HPSE2: variants seen among roughly 807,000 people sequenced by gnomAD.
The protein encoded by HPSE2 is inactive heparanase-2.
HPSE2 carries 38 observed loss-of-function variants against 60.5 expected under a neutral mutation model. The ratio of observed to expected loss-of-function variants is 0.63; its 90% confidence interval spans 0.48 to 0.82. HPSE2 has a LOEUF of 0.82. HPSE2 is among the 40% of genes least tolerant of loss of function. The pLI is 0.00. For synonymous variants in HPSE2, 295 were observed against 293.2 expected, an observed-to-expected ratio of 1.01 and a Z score of -0.06; for missense variants, 713 against 740.4, an observed-to-expected ratio of 0.96 and a Z score of 0.43.
At chr10:98,524,992 C>A (rs1942917169) in intron 9 of HPSE2, among the ~76,000 whole-genome samples, 1 of 152,188 alleles carries the variant, frequency 6.6e-6, no homozygotes, top group African/African-American at 2.4e-5. Context: ...CAAAGCTTTA[C>A]ATTTTGGGAC....
chr10:98,753,919 T>C (rs1389484547), intron 3 of HPSE2, among the ~76,000 whole-genome samples: 1 of 152,138 alleles, frequency 6.6e-6, no homozygotes, highest in Non-Finnish European at 1.5e-5. Context: ...AGAACCAGAA[T>C]AGGAACTCTG....
intron 3 of HPSE2, among the ~76,000 whole-genome samples, chr10:99,110,772 T>C (rs1003089774): frequency 6.6e-6 from 1 of 152,168 alleles, no homozygotes; most frequent in African/African-American, 2.4e-5. Flanking sequence ...TGTCAAATTA[T>C]TCTCCTGCCT....
intron 3 of HPSE2, among the ~76,000 whole-genome samples, chr10:99,032,321 A>G (rs906793610): frequency 2.0e-5 from 3 of 152,158 alleles, no homozygotes; most frequent in Non-Finnish European, 4.4e-5. Flanking sequence ...AAAGAAAAAA[A>G]ATCGTCAAAT....
At chr10:98,632,652 C>T (rs757936360) in intron 7 of HPSE2, among the ~76,000 whole-genome samples, 26 of 152,064 alleles carry the variant, frequency 1.7e-4, no homozygotes, top group Non-Finnish European at 3.5e-4. Context: ...GCTAATTTAC[C>T]GAGAAGTTCA....
intron 9 of HPSE2, among the ~76,000 whole-genome samples, chr10:98,542,925 C>T (rs1163144887): frequency 6.6e-6 from 1 of 152,038 alleles, no homozygotes; most frequent in Non-Finnish European, 1.5e-5. Context: ...TCCAGGAGAA[C>T]TTCCCCAATC....
At chr10:99,273,895 G>A in the HPSE2 span, among the ~76,000 whole-genome samples, 40 of 152,304 alleles carry the variant, frequency 2.6e-4, no homozygotes, top group African/African-American at 9.1e-4. Context: ...CAGTGAGAAT[G>A]TGTGCACTAT....
chr10:98,796,370 T>C (rs745341567), intron 3 of HPSE2, among the ~76,000 whole-genome samples: 1 of 152,142 alleles, frequency 6.6e-6, no homozygotes, highest in Non-Finnish European at 1.5e-5. Context: ...TAAGTGAACA[T>C]CAGCAGTGGC....
intron 3 of HPSE2, among the ~76,000 whole-genome samples, chr10:98,904,966 C>T (rs1953768378): frequency 6.6e-6 from 1 of 152,120 alleles, no homozygotes; most frequent in Admixed American, 6.6e-5. Flanking sequence ...ACATTTCTAT[C>T]TTAATGACAT....
intron 3 of HPSE2, among the ~76,000 whole-genome samples, chr10:99,078,673 T>C (rs1843028202): frequency 6.6e-6 from 1 of 152,182 alleles, no homozygotes; most frequent in South Asian, 2.1e-4. Context: ...CAACACTGTA[T>C]CTCCAATTCA....
chr10:98,798,948 T>G (rs926344135), intron 3 of HPSE2, among the ~76,000 whole-genome samples: 1 of 152,088 alleles, frequency 6.6e-6, no homozygotes, highest in African/African-American at 2.4e-5. Flanking sequence ...AATGATAACA[T>G]TGAATGGAAA....
rs190553778 is a variant in HPSE2 at position 99,134,686 on chromosome 10, C to T, written c.610+9552G>A. 3.1e-3 allele frequency among the ~76,000 whole-genome samples: 474 copies of T among 152,180 alleles called. 3 individuals are homozygous for T. Among genetic ancestry groups the T allele is most frequent in the African/African-American group, 0.011 (455 of 41,494 alleles). On this transcript the variant is annotated intron_variant, in intron 3 of 11. Coordinates refer to ENST00000370552, the MANE Select transcript of HPSE2 (RefSeq NM_021828.5). ...AGTAAATGATGAGAGATTTTGTCACCACCAGGCTTGCCTTACAAGAGCTCC... is the reference window on the plus strand; with the variant it reads ...AGTAAATGATGAGAGATTTTGTCACTACCAGGCTTGCCTTACAAGAGCTCC...
At chr10:99,132,264 A>G (rs1845470667) in intron 3 of HPSE2, among the ~76,000 whole-genome samples, 2 of 149,514 alleles carry the variant, frequency 1.3e-5, no homozygotes, top group Admixed American at 6.7e-5. Context: ...AGAAAGAAAG[A>G]AAGAAAGAAA....
At chr10:98,881,946 G>A (rs1292440355) in intron 3 of HPSE2, among the ~76,000 whole-genome samples, 1 of 152,052 alleles carries the variant, frequency 6.6e-6, no homozygotes, top group African/African-American at 2.4e-5. Flanking sequence ...GTGGCTATGT[G>A]ACTTGTTTTG....
At chr10:98,827,839 G>A (rs1250909166) in intron 3 of HPSE2, among the ~76,000 whole-genome samples, 1 of 152,146 alleles carries the variant, frequency 6.6e-6, no homozygotes, top group Non-Finnish European at 1.5e-5. Context: ...TAGATATTGG[G>A]TCAAACATTA....
intron 3 of HPSE2, among the ~76,000 whole-genome samples, chr10:98,808,214 A>T (rs1157769828): frequency 6.6e-6 from 1 of 152,108 alleles, no homozygotes; most frequent in African/African-American, 2.4e-5. Context: ...AGCATATTCA[A>T]ACCTAAACTC....
chr10:98,755,836 A>T (rs1026054477), intron 3 of HPSE2, among the ~76,000 whole-genome samples: 2 of 152,082 alleles, frequency 1.3e-5, no homozygotes, highest in Admixed American at 6.5e-5. Flanking sequence ...TCTCTATGAA[A>T]AATGCAAAAA....
In HPSE2 at chr10:98,925,979, G is replaced by T. The variant is rs919134914; in HGVS notation, c.611-181923C>A. ...TTTCAACCTCTGAGTCTTCTTACAT[G>T]TTTTTTATATATAATATTTAGAGTT... is the stretch of plus-strand genomic sequence containing the variant. On this transcript the variant is annotated intron_variant, in intron 3 of 11. Transcript: ENST00000370552. Among the ~76,000 whole-genome samples, 3 of 151,996 alleles carry T rather than the reference G, an allele frequency of 2.0e-5. No homozygotes were observed. In the East Asian group the frequency reaches 5.8e-4, roughly 29 times the overall value.
At chr10:98,846,217 A>C (rs1952030906) in intron 3 of HPSE2, among the ~76,000 whole-genome samples, 1 of 152,242 alleles carries the variant, frequency 6.6e-6, no homozygotes, top group Admixed American at 6.5e-5. Flanking sequence ...TTTTTTTAAA[A>C]GATAGAAGTC....
chr10:99,047,856 G>A, intron 3 of HPSE2: 1 of 777,956 alleles, frequency 1.3e-6, no homozygotes, highest in Non-Finnish European at 2.3e-6. Context: ...TGAATGGCGA[G>A]GATGGCAAGA....
Sources: allele counts gnomAD v4.1 joint callset (sites outside exome capture counted in the v4.1 genomes callset), GRCh38; gene constraint gnomAD v4.1.1; transcripts MANE v1.5; gene names NCBI Gene and HGNC (gene_info 2026-07-23, HGNC 2026-07-21).